Variants in TMEM245 observed in about 807,000 individuals in gnomAD.
The protein encoded by TMEM245 is transmembrane protein 245, also known as protein CG-2.
TMEM245 carries 69 observed loss-of-function variants against 101.2 expected under a neutral mutation model. That is an observed-to-expected ratio of 0.68 (90% CI 0.56 to 0.83). The LOEUF (loss-of-function observed/expected upper bound fraction) is 0.83. Among genes scored for constraint, TMEM245 ranks in the 40% least tolerant of loss-of-function variants. The pLI, the probability that TMEM245 is intolerant of heterozygous loss-of-function variation, is 0.00. For synonymous variants in TMEM245, 537 were observed against 449.8 expected (o/e 1.19, Z -2.45); for missense variants, 1,075 against 1,092.8 (o/e 0.98, Z 0.23).
At chr9:109,062,292 C>T (rs553492164) in intron 10 of TMEM245, among the ~76,000 whole-genome samples, 1 of 152,300 alleles carries the variant, frequency 6.6e-6, no homozygotes, top group African/African-American at 2.4e-5. Context: ...CCACCACACC[C>T]AGCCGAAAAT....
At chr9:109,086,171 T>C (rs1019084495) in intron 6 of TMEM245, 151 bp from the exon 7 acceptor site, 1 of 722,508 alleles carries the variant, frequency 1.4e-6, no homozygotes, top group Non-Finnish European at 2.3e-6. Flanking sequence ...CTGTAACACA[T>C]CAAAGTTTTA....
chr9:109,087,936 C>T (rs1354118802), intron 5 of TMEM245, among the ~76,000 whole-genome samples: 1 of 152,190 alleles, frequency 6.6e-6, no homozygotes, highest in East Asian at 1.9e-4. Context: ...AGCAGGGCTG[C>T]TACAAATGGC....
intron 4 of TMEM245, among the ~76,000 whole-genome samples, chr9:109,092,533 A>T (rs894243151): frequency 6.6e-6 from 1 of 152,250 alleles, no homozygotes; most frequent in African/African-American, 2.4e-5. Context: ...GGTGGGTGTG[A>T]CAGATATTTG....
chr9:109,075,059 G>A (rs1321449814), intron 8 of TMEM245, among the ~76,000 whole-genome samples: 1 of 152,212 alleles, frequency 6.6e-6, no homozygotes, highest in African/African-American at 2.4e-5. Context: ...TTTGGACGCT[G>A]TGTTGAAAAC....
At chr9:109,045,104 T>C (rs111549812) in intron 14 of TMEM245, among the ~76,000 whole-genome samples, 1 of 152,314 alleles carries the variant, frequency 6.6e-6, no homozygotes, top group African/African-American at 2.4e-5. Flanking sequence ...TTCTAGCTAC[T>C]TGAAATGATA....
intron 8 of TMEM245, among the ~76,000 whole-genome samples, chr9:109,080,141 G>A (rs1026901501): frequency 3.3e-5 from 5 of 151,978 alleles, no homozygotes; most frequent in African/African-American, 9.7e-5. Context: ...AAAAAATTTT[G>A]TATCCATGAT....
At chr9:109,053,092 T>C (rs943017235) in intron 12 of TMEM245, among the ~76,000 whole-genome samples, 2 of 152,162 alleles carry the variant, frequency 1.3e-5, no homozygotes, top group African/African-American at 4.8e-5. Context: ...GCAAGGCCCA[T>C]GAAACTCTGA....
chr9:109,092,070 TC>T (rs1830023495), intron 4 of TMEM245, among the ~76,000 whole-genome samples: 1 of 152,166 alleles, frequency 6.6e-6, no homozygotes, highest in Admixed American at 6.5e-5. Flanking sequence ...CCTCACATTT[TC>T]CCCCTGGTCT....
At chr9:109,041,453 AT>A (rs1193341550) in intron 14 of TMEM245, among the ~76,000 whole-genome samples, 6,159 of 83,012 alleles carry the variant, frequency 0.074, 78 homozygotes, top group East Asian at 0.14. Flanking sequence ...CATCCTACAA[AT>A]TTTTTTTTTT....
chr9:109,093,625 A>T (rs1029219991), intron 3 of TMEM245, 34 bp from the exon 4 acceptor site: 22 of 1,551,154 alleles, frequency 1.4e-5, no homozygotes, highest in Non-Finnish European at 2.0e-5. Context: ...AAAACTCTTT[A>T]AAGTAGGAAA....
At chr9:109,082,144 T>C (rs1829684300) in intron 7 of TMEM245, among the ~76,000 whole-genome samples, 1 of 152,214 alleles carries the variant, frequency 6.6e-6, no homozygotes, top group African/African-American at 2.4e-5. Flanking sequence ...TTCTGCAGCA[T>C]TTACTTTCAC....
chr9:109,034,074 C>T (rs1828048153), intron 16 of TMEM245, among the ~76,000 whole-genome samples: 1 of 152,158 alleles, frequency 6.6e-6, no homozygotes. Flanking sequence ...ATCACAAATG[C>T]CCTCCAGCTT....
chr9:109,049,191 T>G (rs1271063621), intron 14 of TMEM245, among the ~76,000 whole-genome samples: 2 of 152,222 alleles, frequency 1.3e-5, no homozygotes, highest in African/African-American at 4.8e-5. Context: ...GAGAGAAGGT[T>G]ATCAAAACTG....
chr9:109,046,344 T>C (rs755457430), intron 14 of TMEM245: 4 of 527,914 alleles, frequency 7.6e-6, no homozygotes, highest in Non-Finnish European at 1.6e-5. Context: ...GGGTGTGATG[T>C]ATACATTCAG....
At chr9:109,072,752 T>C (rs1423092771) in intron 9 of TMEM245, among the ~76,000 whole-genome samples, 2 of 152,192 alleles carry the variant, frequency 1.3e-5, no homozygotes, top group South Asian at 2.1e-4. Context: ...ACACCTGTAG[T>C]CTCAGCTACT....
rs1829647042 is a variant in TMEM245, at chr9:109,080,868, GAGTTCCTATCACTAACA to G, written c.1403_1419del (p.Leu468SerfsTer20). 1 of 1,606,214 alleles carries G rather than the reference GAGTTCCTATCACTAACA, an allele frequency of 6.2e-7. No individual in the cohort carries two copies. The highest frequency in any genetic ancestry group is 1.7e-5 in the Admixed American group (1 of 59,754). ...GCAGTCAGGAGTAGGGCTAAAAGAA[GAGTTCCTATCACTAACA>G]AAAATATGATGAAAATGCTAATTAT... On this transcript the variant is annotated frameshift_variant, in exon 8 of 18. Coordinates refer to ENST00000374586, the MANE Select transcript of TMEM245 (RefSeq NM_032012.4). LOFTEE classifies it high-confidence loss of function.
chr9:109,051,814 C>T (rs1457506594), intron 12 of TMEM245, among the ~76,000 whole-genome samples: 1 of 152,164 alleles, frequency 6.6e-6, no homozygotes, highest in African/African-American at 2.4e-5. Flanking sequence ...GCTTTACTGG[C>T]TGCCTAGCCC....
intron 1 of TMEM245, among the ~76,000 whole-genome samples, chr9:109,115,048 A>C (rs2132674839): frequency 6.6e-6 from 1 of 152,326 alleles, no homozygotes; most frequent in Non-Finnish European, 1.5e-5. Flanking sequence ...CTAGTGACGA[A>C]GAAAAACATA....
chr9:109,085,831 T>C (rs1397752974), intron 7 of TMEM245, among the ~76,000 whole-genome samples, 166 bp downstream of exon 7: 2 of 152,258 alleles, frequency 1.3e-5, no homozygotes, highest in Non-Finnish European at 2.9e-5. Flanking sequence ...TTTTACCAAA[T>C]TATACTGTGA....
Sources: gnomAD v4.1 joint callset for allele counts (sites outside exome capture counted in the v4.1 genomes callset) on GRCh38, gnomAD v4.1.1 for gene constraint, MANE v1.5 for transcripts, NCBI Gene and HGNC (gene_info 2026-07-23, HGNC 2026-07-21) for gene names.